The following KLHL29 variants were observed in gnomAD, a reference collection of about 807,000 sequenced individuals.
The protein encoded by KLHL29 is kelch like family member 29.
Under a neutral mutation model 80.4 loss-of-function variants are expected in KLHL29, and 21 were observed. The ratio of observed to expected loss-of-function variants is 0.26; its 90% confidence interval spans 0.19 to 0.38. The LOEUF (loss-of-function observed/expected upper bound fraction) is 0.38, where lower values mean the gene tolerates loss of function less well. KLHL29 is among the 10% of genes least tolerant of loss of function. The probability of loss-of-function intolerance (pLI) is 1.00; values close to 1 mark genes in which losing one functional copy is unlikely to be tolerated. For synonymous variants in KLHL29, 511 were observed against 526.8 expected (o/e 0.97, Z 0.41); for missense variants, 867 against 1,223.9 (o/e 0.71, Z 4.35).
intron 5 of KLHL29, among the ~76,000 whole-genome samples, chr2:23,679,381 C>A (rs1671012574): frequency 6.6e-6 from 1 of 152,236 alleles, no homozygotes; most frequent in Non-Finnish European, 1.5e-5. Context: ...CATGCTCCAA[C>A]AGGCTAGCCC....
intron 2 of KLHL29, among the ~76,000 whole-genome samples, chr2:23,544,876 A>G (rs4665607): frequency 0.4 from 61,170 of 152,082 alleles, 13,688 homozygotes; most frequent in East Asian, 0.88. Context: ...GAGGGGAGTG[A>G]GCACCAGGGC....
intron 1 of KLHL29, among the ~76,000 whole-genome samples, chr2:23,460,749 T>C (rs1193564097): frequency 6.8e-6 from 1 of 147,238 alleles, no homozygotes; most frequent in East Asian, 2.0e-4. Flanking sequence ...CTCAGGAGCT[T>C]CCCGTGAAGG....
At position 23,639,207 on chromosome 2, in the gene KLHL29, G is replaced by A. The variant is rs768944912; in HGVS notation, c.354G>A (p.Thr118=). The A allele has an allele frequency of 7.8e-6, 12 of 1,547,360 alleles. No homozygotes were observed. Among genetic ancestry groups the A allele is most frequent in the African/African-American group, 6.9e-5 (5 of 72,798 alleles). The change falls in exon 4 of 14, where the codon ACG becomes ACA. Residue 118 remains threonine (T), a synonymous_variant. Coordinates refer to ENST00000486442, the MANE Select transcript of KLHL29 (RefSeq NM_052920.2). ...CGACCAGCATCCGGTGGGGGCAGAC[G>A]CCTATCAATCAGTCCACACCCTGGG... ...GLATSIRWGQ[T]PINQSTPWDT... is the part of the protein sequence containing the mutation.
At chr2:23,497,172 G>C (rs953299647) in intron 2 of KLHL29, among the ~76,000 whole-genome samples, 1 of 152,170 alleles carries the variant, frequency 6.6e-6, no homozygotes, top group African/African-American at 2.4e-5. Context: ...CCTTCAGTCG[G>C]TGGGTATTTC....
At position 23,596,360 on chromosome 2, in the gene KLHL29, C is replaced by G. The variant is rs1470046284; in HGVS notation, c.285+33879C>G. On this transcript the variant is annotated intron_variant, in intron 3 of 13. Coordinates refer to ENST00000486442, the MANE Select transcript of KLHL29 (RefSeq NM_052920.2). This position sits in a 1 kb window ranked among gnomAD's most constrained non-coding sequence, Gnocchi z 4.4. Reference sequence around the variant, plus strand: ...CCAGGCTTCAGCTACCAACACGCCCCTATGAGTCTCTGTCTCCGAGCAGAG... The same window carrying G: ...CCAGGCTTCAGCTACCAACACGCCCGTATGAGTCTCTGTCTCCGAGCAGAG... Among the ~76,000 whole-genome samples the G allele has an allele frequency of 1.3e-5, 2 of 152,178 alleles. No homozygotes were observed. Among genetic ancestry groups the G allele is most frequent in the African/African-American group, 4.8e-5 (2 of 41,438 alleles).
At chr2:23,587,683 C>T (rs367919190) in intron 3 of KLHL29, among the ~76,000 whole-genome samples, 11 of 152,194 alleles carry the variant, frequency 7.2e-5, no homozygotes, top group African/African-American at 2.4e-4. Context: ...GTGTCCTCCA[C>T]GGCGTACGTG....
At chr2:23,479,117 C>T (rs1664717228) in intron 2 of KLHL29, among the ~76,000 whole-genome samples, 1 of 151,646 alleles carries the variant, frequency 6.6e-6, no homozygotes. Context: ...CCGACACAGA[C>T]ACTCTGCTGC....
chr2:23,436,468 T>A (rs59968444), intron 1 of KLHL29, among the ~76,000 whole-genome samples: 1 of 150,682 alleles, frequency 6.6e-6, no homozygotes, highest in South Asian at 2.1e-4. Context: ...CTGGAAGCCT[T>A]CCTGTGCTTC....
chr2:23,649,324 C>T (rs570952945), intron 5 of KLHL29, among the ~76,000 whole-genome samples: 19 of 152,238 alleles, frequency 1.2e-4, no homozygotes, highest in Non-Finnish European at 2.2e-4. Context: ...TCTTCGTCCT[C>T]GCCTGAGCTG....
intron 3 of KLHL29, among the ~76,000 whole-genome samples, chr2:23,635,467 C>T (rs1669583802): frequency 6.6e-6 from 1 of 152,234 alleles, no homozygotes; most frequent in South Asian, 2.1e-4. Flanking sequence ...CCCCAGCCCC[C>T]ATGGCCAGCA....
rs573069551 is a variant in KLHL29, at chr2:23,455,002, G to GA, written c.-153-20558_-153-20557insA. Reference sequence around the variant, plus strand: ...CTCGTAGAAACAGGAACAGTGGGTTGGGGGGGGGGCATTTATTTCTCTCGC... The same window carrying GA: ...CTCGTAGAAACAGGAACAGTGGGTTGAGGGGGGGGGCATTTATTTCTCTCGC... On this transcript the variant is annotated intron_variant, in intron 1 of 13. Coordinates refer to ENST00000486442, the MANE Select transcript of KLHL29 (RefSeq NM_052920.2). Among the ~76,000 whole-genome samples the GA allele has an allele frequency of 3.3e-4, 7 of 21,382 alleles. No individual in the cohort carries two copies. In the South Asian group the frequency reaches 0.026, roughly 79 times the overall value. 14.0% of individuals were successfully genotyped at this position (21,382 alleles called of 152,430 possible). A position where few individuals can be genotyped will look rare whatever the true frequency, so the allele number is the denominator to read the frequency against.
intron 1 of KLHL29, among the ~76,000 whole-genome samples, chr2:23,460,932 A>C (rs184497453): frequency 6.6e-6 from 1 of 152,342 alleles, no homozygotes; most frequent in East Asian, 1.9e-4. Context: ...TAAGGGCGGA[A>C]GTTTGCAGAG....
At chr2:23,521,812 G>A (rs1666113243) in intron 2 of KLHL29, among the ~76,000 whole-genome samples, 1 of 152,222 alleles carries the variant, frequency 6.6e-6, no homozygotes, top group Non-Finnish European at 1.5e-5. Context: ...CTCTTAAGCA[G>A]TCTGTGGTCT....
intron 3 of KLHL29, among the ~76,000 whole-genome samples, chr2:23,588,595 T>TTA (rs1222978505): frequency 6.6e-6 from 1 of 152,246 alleles, no homozygotes; most frequent in African/African-American, 2.4e-5. Flanking sequence ...GGCCTCCTGC[T>TTA]TATAGAACAG....
chr2:23,639,335 TAG>T, intron 4 of KLHL29, 55 bp downstream of exon 4: 1 of 1,508,820 alleles, frequency 6.6e-7, no homozygotes, highest in Non-Finnish European at 8.9e-7. Flanking sequence ...GGCGGGAAGC[TAG>T]AGGCTTCCTG....
intron 5 of KLHL29, among the ~76,000 whole-genome samples, chr2:23,670,926 C>G (rs1558432855): frequency 4.6e-4 from 2 of 4,386 alleles, no homozygotes; most frequent in East Asian, 0.029. Flanking sequence ...CGCTCTCTCT[C>G]TCTCTCTCTC....
At chr2:23,433,220 CA>C (rs1663234019) in intron 1 of KLHL29, among the ~76,000 whole-genome samples, 1 of 142,968 alleles carries the variant, frequency 7.0e-6, no homozygotes, top group Admixed American at 6.8e-5. Context: ...TCTCCACCAG[CA>C]AAAGAGTAAG....
chr2:23,552,624 G>C (rs1667157032), intron 2 of KLHL29, among the ~76,000 whole-genome samples: 1 of 152,130 alleles, frequency 6.6e-6, no homozygotes, highest in East Asian at 1.9e-4. Flanking sequence ...CACTGGCATT[G>C]GAGAAAGCAG....
chr2:23,504,512 G>A (rs1665540470), intron 2 of KLHL29, among the ~76,000 whole-genome samples: 1 of 152,164 alleles, frequency 6.6e-6, no homozygotes, highest in Non-Finnish European at 1.5e-5. Flanking sequence ...GGCCTCCCTA[G>A]GGTTTCCATG....
Sources: gnomAD v4.1 joint callset for allele counts (sites outside exome capture counted in the v4.1 genomes callset) on GRCh38, gnomAD v4.1.1 for gene constraint, Gnocchi (gnomAD v3.1) non-coding constraint, MANE v1.5 for transcripts, NCBI Gene and HGNC (gene_info 2026-07-23, HGNC 2026-07-21) for gene names.